ZZEF1: variants seen among roughly 807,000 people sequenced by gnomAD.
The protein encoded by ZZEF1 is zinc finger ZZ-type and EF-hand domain-containing protein 1.
A neutral mutation model predicts 342.8 loss-of-function variants in ZZEF1; 157 were observed. The ratio of observed to expected loss-of-function variants is 0.46; its 90% CI spans 0.40 to 0.52. The LOEUF is 0.52. Ranked by LOEUF, ZZEF1 falls within the 20% of genes least tolerant of loss-of-function variation. The pLI is 0.00. For missense variants in ZZEF1, 3,480 were observed against 3,725.6 expected (o/e 0.93, Z 1.72); for synonymous variants, 1,505 against 1,429.1 (o/e 1.05, Z -1.20).
At chr17:4,112,556 A>G (rs1300253812) in intron 5 of ZZEF1, 53 bp downstream of exon 5, 2 of 1,582,518 alleles carry the variant, frequency 1.3e-6, no homozygotes, top group South Asian at 1.1e-5. Context: ...ACTTCAAAGT[A>G]AAAAATACTA....
At chr17:4,010,317 G>A (rs1312018961) in intron 52 of ZZEF1, among the ~76,000 whole-genome samples, 1 of 151,588 alleles carries the variant, frequency 6.6e-6, no homozygotes, top group Non-Finnish European at 1.5e-5. Context: ...GTGCACCACT[G>A]TACTCTGGCC....
Position 4,082,479 on chromosome 17 carries a change from T to C in ZZEF1, c.2672A>G (p.Gln891Arg). 6.2e-7 allele frequency: 1 copy of C among 1,614,164 alleles called. No homozygotes were observed. The highest frequency in any genetic ancestry group is 8.5e-7 in the Non-Finnish European group (1 of 1,180,010). The stretch of plus-strand genomic sequence containing the variant: ...TGAACGGAAAGTGAGCTGCAGGGAC[T>C]GCTTGTGCTCCTGCTCGGTGACATT... ...MMNVTEQEHK[Q>R]SLQLTFRSLC... is the part of the protein sequence containing the mutation. The change falls in exon 17 of 55, where the codon CAG becomes CGG. Residue 891 changes from glutamine (Q) to arginine (R), a missense_variant. Physicochemically the swap from Gln to Arg is conservative, Grantham distance 43. Transcript: ENST00000381638.
Position 4,075,364 on chromosome 17 carries a change from G to A in ZZEF1, c.3300C>T (p.Ala1100=). The stretch of plus-strand genomic sequence containing the variant: ...CATGGCAATTATTTTCATAGTTGTG[G>A]GCAGATTCCTTCGTCCACGTATGTA... ...VVLHTWTKES[A]HNYENNCHEV... The change falls in exon 22 of 55, where the codon GCC becomes GCT. Residue 1100 remains alanine (A), a synonymous_variant. Transcript: ENST00000381638. 1 of 1,614,180 alleles carries A rather than the reference G, an allele frequency of 6.2e-7. No homozygotes were observed. The highest frequency in any genetic ancestry group is 1.6e-4 in the Middle Eastern group (1 of 6,062).
At chr17:4,021,402 G>A in intron 44 of ZZEF1, 82 bp from the exon 45 acceptor site, 1 of 1,154,276 alleles carries the variant, frequency 8.7e-7, no homozygotes. Context: ...GAAAATATTG[G>A]GCCTAACTTT....
chr17:4,063,178 A>G lies in ZZEF1; in HGVS notation c.4719-261T>C, dbSNP rs16953679. On this transcript the variant is annotated intron_variant, in intron 29 of 54. Coordinates refer to ENST00000381638, the MANE Select transcript of ZZEF1 (RefSeq NM_015113.4). ...CTTAACGAATTAAAAAGGAACATTG[A>G]TATTTTCACTTTCCATAGAGACAAA... Among the ~76,000 whole-genome samples the G allele has an allele frequency of 6.4e-3, 979 of 152,342 alleles. 11 individuals carry two copies. The highest frequency in any genetic ancestry group is 0.023 in the African/African-American group (941 of 41,576).
chr17:4,059,401 C>A (rs186122561), intron 30 of ZZEF1, 111 bp from the exon 31 acceptor site: 33 of 1,363,512 alleles, frequency 2.4e-5, no homozygotes, highest in Non-Finnish European at 3.1e-5. Flanking sequence ...CTGAGCAAAG[C>A]GGCACAGGAA....
At chr17:4,078,861 C>G (rs1215619133) in intron 18 of ZZEF1, among the ~76,000 whole-genome samples, 1 of 152,136 alleles carries the variant, frequency 6.6e-6, no homozygotes, top group Non-Finnish European at 1.5e-5. Context: ...AAATTTCAGA[C>G]CAGGTACATT....
chr17:4,138,156 T>C (rs569771250), intron 1 of ZZEF1, among the ~76,000 whole-genome samples: 1 of 152,322 alleles, frequency 6.6e-6, no homozygotes, highest in Admixed American at 6.5e-5. Context: ...CCTTGGGTAG[T>C]GGAGAGCTGA....
chr17:4,043,099 C>T (rs576236029), intron 38 of ZZEF1, among the ~76,000 whole-genome samples: 1 of 152,328 alleles, frequency 6.6e-6, no homozygotes, highest in South Asian at 2.1e-4. Context: ...AGCTCTCTTA[C>T]CCCCGCCCTC....
At chr17:4,081,123 G>A (rs192277216) in intron 18 of ZZEF1, among the ~76,000 whole-genome samples, 1 of 152,188 alleles carries the variant, frequency 6.6e-6, no homozygotes, top group Admixed American at 6.5e-5. Flanking sequence ...CTGTGTCCCA[G>A]CTACTTGGGA....
chr17:4,087,909 T>C (rs1567830170), intron 13 of ZZEF1, among the ~76,000 whole-genome samples: 1 of 152,030 alleles, frequency 6.6e-6, no homozygotes, highest in Non-Finnish European at 1.5e-5. Context: ...TACTACAATA[T>C]ACTGACGCCT....
At chr17:4,078,126 T>C in intron 18 of ZZEF1, 84 bp from the exon 19 acceptor site, 1 of 1,403,928 alleles carries the variant, frequency 7.1e-7, no homozygotes, top group Non-Finnish European at 9.6e-7. Flanking sequence ...AAGCAGCAGC[T>C]GTCACCAGCA....
At chr17:4,117,562 C>T (rs944191656) in intron 2 of ZZEF1, among the ~76,000 whole-genome samples, 21 of 143,608 alleles carry the variant, frequency 1.5e-4, no homozygotes, top group African/African-American at 3.7e-4. Context: ...ACAGGAGAAT[C>T]GCTTGAACTC....
chr17:4,124,421 G>A (rs910256132), intron 1 of ZZEF1, among the ~76,000 whole-genome samples: 3 of 152,102 alleles, frequency 2.0e-5, no homozygotes, highest in Non-Finnish European at 2.9e-5. Context: ...GCTTAGAATA[G>A]CACCTCGACT....
intron 1 of ZZEF1, among the ~76,000 whole-genome samples, chr17:4,137,537 G>A (rs2058771460): frequency 6.6e-6 from 1 of 152,176 alleles, no homozygotes; most frequent in Non-Finnish European, 1.5e-5. Context: ...GTGTGAACCT[G>A]GGAGGCGGAG....
rs139419112 is a variant in ZZEF1, at chr17:4,115,426, G to T, written c.695-956C>A. The stretch of plus-strand genomic sequence containing the variant: ...ACCTGTAATCCCAGCACTTTAGGAG[G>T]CCAAGGCAGGCGGATCACTTGAGGT... On this transcript the variant is annotated intron_variant, in intron 3 of 54. Coordinates refer to ENST00000381638, the MANE Select transcript of ZZEF1 (RefSeq NM_015113.4). Among the ~76,000 whole-genome samples the T allele has an allele frequency of 1.7e-3, 264 of 152,278 alleles. 1 individual carries two copies. The South Asian group carries it at 0.019, about 11-fold the overall frequency.
At chr17:4,087,825 C>CACACACAT (rs1016601880) in intron 13 of ZZEF1, among the ~76,000 whole-genome samples, 3 of 140,386 alleles carry the variant, frequency 2.1e-5, no homozygotes, top group South Asian at 2.3e-4. Flanking sequence ...CACACACACA[C>CACACACAT]ATCCATGAAC....
At chr17:4,026,440 A>C (rs1447616418) in intron 42 of ZZEF1, among the ~76,000 whole-genome samples, 1 of 152,214 alleles carries the variant, frequency 6.6e-6, no homozygotes, top group African/African-American at 2.4e-5. Flanking sequence ...CATTACAAAA[A>C]TGTAGCAAAA....
In ZZEF1 at chr17:4,079,095, T is replaced by C. The variant is rs980757115; in HGVS notation, c.2830-1053A>G. Among the ~76,000 whole-genome samples, 4 of 152,220 alleles carry C rather than the reference T, an allele frequency of 2.6e-5. No individual in the cohort carries two copies. The South Asian group carries it at 8.3e-4, about 32-fold the overall frequency. On this transcript the variant is annotated intron_variant, in intron 18 of 54. Coordinates refer to ENST00000381638, the MANE Select transcript of ZZEF1 (RefSeq NM_015113.4). The stretch of plus-strand genomic sequence containing the variant: ...TATATACAATTATGCGAAATTCTCT[T>C]GGGCAAAATGCTATCTCATTTCTCC...
Sources: gnomAD v4.1 joint callset for allele counts (sites outside exome capture counted in the v4.1 genomes callset) on GRCh38, gnomAD v4.1.1 for gene constraint, MANE v1.5 for transcripts, NCBI Gene and HGNC (gene_info 2026-07-23, HGNC 2026-07-21) for gene names.